RBFOX1: variants seen among roughly 807,000 people sequenced by gnomAD.
RBFOX1 encodes RNA binding protein fox-1 homolog 1.
A neutral mutation model predicts 57.7 loss-of-function variants in RBFOX1; 8 were observed. The observed-to-expected ratio is 0.14, with a 90% confidence interval of 0.08 to 0.25. The LOEUF (loss-of-function observed/expected upper bound fraction) is 0.25, where lower values mean the gene tolerates loss of function less well. Among genes scored for constraint, RBFOX1 ranks in the 10% least tolerant of loss-of-function variants. RBFOX1 has a pLI of 1.00. For synonymous variants in RBFOX1, 326 were observed against 222.4 expected (o/e 1.47, Z -4.15); for missense variants, 611 against 548.5 (o/e 1.11, Z -1.14).
intron 5 of RBFOX1, among the ~76,000 whole-genome samples, chr16:7,530,648 CA>C (rs2079825333): frequency 6.6e-6 from 1 of 152,166 alleles, no homozygotes; most frequent in Non-Finnish European, 1.5e-5. Context: ...GGACACTAAC[CA>C]GGGGGTCTGG....
At chr16:6,827,690 C>T (rs1017208327) in intron 3 of RBFOX1, among the ~76,000 whole-genome samples, 5 of 152,178 alleles carry the variant, frequency 3.3e-5, no homozygotes, top group African/African-American at 1.2e-4. Context: ...CCTTCAGGGG[C>T]CAGCTTCTCT....
At chr16:6,901,089 C>T (rs765831874) in intron 3 of RBFOX1, among the ~76,000 whole-genome samples, 1 of 152,168 alleles carries the variant, frequency 6.6e-6, no homozygotes, top group Non-Finnish European at 1.5e-5. Flanking sequence ...AGTTGTGCCT[C>T]TCACCCTGTA....
chr16:7,199,560 C>A (rs2087738218), intron 4 of RBFOX1, among the ~76,000 whole-genome samples: 1 of 152,108 alleles, frequency 6.6e-6, no homozygotes, highest in South Asian at 2.1e-4. Flanking sequence ...CTTCCATACA[C>A]AGAATCAGCC....
intron 1 of RBFOX1, among the ~76,000 whole-genome samples, chr16:6,061,170 G>A (rs919216131): frequency 3.3e-5 from 5 of 152,156 alleles, no homozygotes; most frequent in Admixed American, 6.6e-5. Context: ...TAACCCACCC[G>A]GCAGCAGATA....
chr16:7,128,638 C>G (rs1251770687), intron 4 of RBFOX1, among the ~76,000 whole-genome samples: 1 of 152,104 alleles, frequency 6.6e-6, no homozygotes, highest in Admixed American at 6.5e-5. Flanking sequence ...ATTCTCATTT[C>G]TACCCTATTG....
intron 4 of RBFOX1, among the ~76,000 whole-genome samples, chr16:7,073,211 G>T (rs1461790552): frequency 6.6e-6 from 1 of 152,110 alleles, no homozygotes; most frequent in Non-Finnish European, 1.5e-5. Context: ...ACTAAAATGG[G>T]TTTTAGATGA....
At chr16:7,298,079 G>T (rs569304669) in intron 4 of RBFOX1, among the ~76,000 whole-genome samples, 53 of 152,222 alleles carry the variant, frequency 3.5e-4, no homozygotes, top group African/African-American at 1.2e-3. Context: ...ACTTCTTAGA[G>T]AATTTTCTTA....
At chr16:6,695,235 C>T (rs992048265) in intron 3 of RBFOX1, among the ~76,000 whole-genome samples, 2 of 151,870 alleles carry the variant, frequency 1.3e-5, no homozygotes, top group East Asian at 3.9e-4. Flanking sequence ...GCTTGGCCAA[C>T]AGGGTGAAAC....
At chr16:6,211,684 A>G (rs4393574) in intron 1 of RBFOX1, among the ~76,000 whole-genome samples, 42,843 of 151,978 alleles carry the variant, frequency 0.28, 6,511 homozygotes, top group East Asian at 0.48. Flanking sequence ...GGCCTTTCCT[A>G]TCTTTGAGTT....
At chr16:7,383,150 A>G (rs2097809971) in intron 4 of RBFOX1, among the ~76,000 whole-genome samples, 1 of 152,118 alleles carries the variant, frequency 6.6e-6, no homozygotes, top group South Asian at 2.1e-4. Flanking sequence ...TCATTCAAGA[A>G]TGGGAAATTC....
chr16:6,085,425 G>A (rs924085340), intron 1 of RBFOX1, among the ~76,000 whole-genome samples: 3 of 152,120 alleles, frequency 2.0e-5, no homozygotes, highest in African/African-American at 4.8e-5. Context: ...GGTATGCGCC[G>A]CTATGCCCAG....
At chr16:6,374,719 T>C (rs570899293) in intron 2 of RBFOX1, among the ~76,000 whole-genome samples, 1 of 152,342 alleles carries the variant, frequency 6.6e-6, no homozygotes, top group South Asian at 2.1e-4. Context: ...AAGAGACTGT[T>C]ATTGCCACTG....
rs186145379 is a variant in RBFOX1 at position 6,193,805 on chromosome 16, T to C, written c.-126-123190T>C. On this transcript the variant is annotated intron_variant, in intron 1 of 15. Coordinates refer to ENST00000550418, the MANE Select transcript of RBFOX1 (RefSeq NM_018723.4). The stretch of plus-strand genomic sequence containing the variant: ...TGGGTTTGTCACTGCACATCCCTCC[T>C]TCCTTTTGAAAGCTCTGTTCTTCCT... 1.7e-3 allele frequency among the ~76,000 whole-genome samples: 255 copies of C among 152,234 alleles called. 2 individuals carry two copies. The highest frequency in any genetic ancestry group is 5.5e-3 in the African/African-American group (229 of 41,558).
chr16:6,685,235 T>A (rs1208673058), intron 3 of RBFOX1, among the ~76,000 whole-genome samples: 1 of 151,674 alleles, frequency 6.6e-6, no homozygotes, highest in Non-Finnish European at 1.5e-5. Context: ...TGGCAATAAA[T>A]GACTTCACGT....
chr16:7,443,794 A>T (rs1485885750), intron 4 of RBFOX1, among the ~76,000 whole-genome samples: 2 of 152,200 alleles, frequency 1.3e-5, no homozygotes, highest in Non-Finnish European at 2.9e-5. Context: ...TATTTTATAC[A>T]TTACAAAACC....
At chr16:7,345,327 G>C (rs941061497) in intron 4 of RBFOX1, among the ~76,000 whole-genome samples, 1 of 152,166 alleles carries the variant, frequency 6.6e-6, no homozygotes, top group Non-Finnish European at 1.5e-5. Context: ...GCCTGCTCTC[G>C]GGGAGGTTTT....
At chr16:5,808,325 T>C (rs1296842187) in intron 3 of RBFOX1, among the ~76,000 whole-genome samples, 1 of 152,206 alleles carries the variant, frequency 6.6e-6, no homozygotes. Context: ...ACTGTACCCT[T>C]GTAGTATAGT....
At chr16:6,044,125 C>A (rs375047473) in intron 1 of RBFOX1, among the ~76,000 whole-genome samples, 3 of 152,144 alleles carry the variant, frequency 2.0e-5, no homozygotes, top group Admixed American at 2.0e-4. Flanking sequence ...TTGACTGATA[C>A]AGTGACTGAG....
chr16:5,673,082 A>C (rs913504225), intron 3 of RBFOX1, among the ~76,000 whole-genome samples: 9 of 152,146 alleles, frequency 5.9e-5, no homozygotes, highest in Non-Finnish European at 1.3e-4. Context: ...AAGTATGTCT[A>C]GCGGCATCTC....
Sources: allele counts gnomAD v4.1 joint callset (sites outside exome capture counted in the v4.1 genomes callset), GRCh38; gene constraint gnomAD v4.1.1; transcripts MANE v1.5; gene names NCBI Gene and HGNC (gene_info 2026-07-23, HGNC 2026-07-21).